Variants in CDK16 observed in about 807,000 individuals in gnomAD.
CDK16 encodes the protein cyclin-dependent kinase 16.
In CDK16, 2 loss-of-function variants were observed where a neutral mutation model predicts 41.6. The observed-to-expected ratio is 0.05, with a 90% CI of 0.02 to 0.15. The LOEUF is 0.15. CDK16 is among the 10% of genes least tolerant of loss of function. CDK16 has a pLI of 1.00. For synonymous variants in CDK16, 169 were observed against 169.7 expected (o/e 1.00, Z 0.03); for missense variants, 228 against 428.9 (o/e 0.53, Z 4.14).
chrX:47,227,176 G>A lies in CDK16; in HGVS notation c.1242-5G>A. 1.2e-5 allele frequency: 15 copies of A among 1,210,542 alleles called. No homozygotes were observed. Among genetic ancestry groups the A allele is most frequent in the Non-Finnish European group, 1.6e-5 (14 of 894,848 alleles). On this transcript the variant is annotated splice_region_variant and splice_polypyrimidine_tract_variant and intron_variant, in intron 12 of 15. Transcript: ENST00000357227. Reference sequence around the variant, plus strand: ...TTAAATCAGGTCTCTTTGTCCTTGTGGCAGACTTGATAGCGACGGGGCCGA... The same window carrying A: ...TTAAATCAGGTCTCTTTGTCCTTGTAGCAGACTTGATAGCGACGGGGCCGA...
chrX:47,218,663 AGGT>A, upstream of CDK16: 1 of 1,167,749 alleles, frequency 8.6e-7, no homozygotes, highest in Non-Finnish European at 1.1e-6. Context: ...ATGCAGTCCG[AGGT>A]GAGTCCCCTC....
rs190581652 is a variant in CDK16 at position 47,229,254 on chromosome X, T to G, written c.*486T>G. ...TTGTGTGGGCCTTTTTTTGTTTGTTTCATTCATTGTTTTTTTTTTTTTAAT... is the reference window on the plus strand; with the variant it reads ...TTGTGTGGGCCTTTTTTTGTTTGTTGCATTCATTGTTTTTTTTTTTTTAAT... On this transcript the variant is annotated 3_prime_UTR_variant, in exon 16 of 16. Coordinates refer to ENST00000357227, the MANE Select transcript of CDK16 (RefSeq NM_006201.5). 1,463 of 216,625 alleles carry G rather than the reference T, an allele frequency of 6.8e-3. 20 individuals are homozygous for G. Among genetic ancestry groups the G allele is most frequent in the African/African-American group, 0.04 (1,329 of 33,067 alleles). 17.9% of individuals were successfully genotyped at this position (216,625 alleles called of 1,213,427 possible).
chrX:47,218,673 C>T (rs992620091), upstream of CDK16: 2 of 1,167,986 alleles, frequency 1.7e-6, no homozygotes, highest in Admixed American at 5.2e-5. Context: ...AGGTGAGTCC[C>T]CTCCTTTCCA....
intron 1 of CDK16, among the ~76,000 whole-genome samples, chrX:47,220,915 A>T (rs1049814294): frequency 3.6e-5 from 4 of 111,032 alleles, no homozygotes; most frequent in African/African-American, 9.9e-5. Context: ...TACGTTAATG[A>T]GGGGAGTCAG....
Position 47,225,883 on chromosome X carries a change from G to A in CDK16, c.729+17G>A, listed in dbSNP as rs1229914567. On this transcript the variant is annotated intron_variant, in intron 7 of 15. Coordinates refer to ENST00000357227, the MANE Select transcript of CDK16 (RefSeq NM_006201.5). ...GAGTACCTGGTAAGGTTGAGTGGCA[G>A]TAGGTCCCAGGGGGAGGTGAGGAGA... 1 of 1,193,063 alleles carries A rather than the reference G, an allele frequency of 8.4e-7. No individual in the cohort carries two copies. The highest frequency in any genetic ancestry group is 3.0e-5 in the East Asian group (1 of 33,786).
In CDK16 at chrX:47,229,493, C is replaced by T. The variant is rs1008964684; in HGVS notation, c.*725C>T. On this transcript the variant is annotated 3_prime_UTR_variant, in exon 16 of 16. Transcript: ENST00000357227. The stretch of plus-strand genomic sequence containing the variant: ...GGGAAAGCATGCCACAGCCACTCGC[C>T]TTCCTACCCCCGCCCGCCATCCCCA... The T allele has an allele frequency of 7.3e-6, 2 of 275,565 alleles. No homozygotes were observed. Among genetic ancestry groups the T allele is most frequent in the Non-Finnish European group, 1.4e-5 (2 of 143,426 alleles). 22.7% of individuals were successfully genotyped at this position (275,565 alleles called of 1,213,427 possible). A position where few individuals can be genotyped will look rare whatever the true frequency, so the allele number is the denominator to read the frequency against.
At position 47,226,022 on chromosome X, in the gene CDK16, G is replaced by T; in HGVS notation, c.787G>T (p.Val263Leu). The T allele has an allele frequency of 8.4e-7, 1 of 1,196,152 alleles. No individual in the cohort carries two copies. Among genetic ancestry groups the T allele is most frequent in the South Asian group, 1.8e-5 (1 of 54,777 alleles). Residue 263 changes from valine to leucine, a missense_variant, in exon 8 of 16, where the codon GTG becomes TTG. By Grantham distance (32) the Val-to-Leu change is conservative (BLOSUM62 1). Coordinates refer to ENST00000357227, the MANE Select transcript of CDK16 (RefSeq NM_006201.5). ...DCGNIINMHN[V>L]KLFLFQLLRG... Reference sequence around the variant, plus strand: ...TGGGAACATCATCAACATGCACAACGTGAAAGTGGGTGTGGGGCAGGAAGC... The same window carrying T: ...TGGGAACATCATCAACATGCACAACTTGAAAGTGGGTGTGGGGCAGGAAGC...
upstream of CDK16, chrX:47,218,653 A>G (rs372931400): frequency 8.7e-5 from 102 of 1,165,870 alleles, no homozygotes; most frequent in South Asian, 1.9e-5. Context: ...CCTTTGGTAC[A>G]TGCAGTCCGA....
chrX:47,221,602 CCT>C (rs1436907110), intron 1 of CDK16, among the ~76,000 whole-genome samples: 1 of 111,568 alleles, frequency 9.0e-6, no homozygotes, highest in East Asian at 2.8e-4. Flanking sequence ...TCCCCTACTC[CCT>C]GTCACAACAT....
Position 47,223,574 on chromosome X carries a change from A to T in CDK16, c.17A>T (p.Lys6Met). ...CAGATCGCCATGGATCGGATGAAGA[A>T]GATCAAACGGCAGCTGTCAATGACA... MDRMKKIKRQLSMTLR... is the reference protein window; with the variant it reads MDRMKMIKRQLSMTLR... The change falls in exon 2 of 16, where the codon AAG becomes ATG. Residue 6 changes from lysine (K) to methionine (M), a missense_variant. Lys to Met is a moderately conservative substitution (Grantham distance 95). Transcript: ENST00000357227. 36 of 1,211,524 alleles carry T rather than the reference A, an allele frequency of 3.0e-5. No homozygotes were observed. The highest frequency in any genetic ancestry group is 3.8e-5 in the Non-Finnish European group (34 of 895,183).
At chrX:47,221,391 A>G (rs1243069465) in intron 1 of CDK16, among the ~76,000 whole-genome samples, 1 of 112,172 alleles carries the variant, frequency 8.9e-6, no homozygotes, top group Non-Finnish European at 1.9e-5. Flanking sequence ...TCACAGGGGC[A>G]TGTCTGAGAC....
chrX:47,221,694 T>G (rs932770733), intron 1 of CDK16, among the ~76,000 whole-genome samples: 1 of 112,066 alleles, frequency 8.9e-6, no homozygotes, highest in Admixed American at 9.4e-5. Context: ...TTCCTTGCCT[T>G]AGGCCCAGTA....
intron 9 of CDK16, 36 bp downstream of exon 9, chrX:47,226,438 G>T (rs772942501): frequency 8.3e-7 from 1 of 1,200,863 alleles, no homozygotes; most frequent in Non-Finnish European, 1.1e-6. Flanking sequence ...TGGCTCCCCA[G>T]CCTCCTACTT....
At chrX:47,223,841 C>T (rs1937455850) in intron 2 of CDK16, 82 bp downstream of exon 2, 6 of 921,491 alleles carry the variant, frequency 6.5e-6, no homozygotes, top group Non-Finnish European at 9.1e-6. Flanking sequence ...TCCTCATTTT[C>T]CTCTAAATTT....
rs186233558 is a variant in CDK16, at chrX:47,229,588, C to G, written c.*820C>G. 6 of 227,936 alleles carry G rather than the reference C, an allele frequency of 2.6e-5. No individual in the cohort carries two copies. In the East Asian group the frequency reaches 8.2e-4, roughly 31 times the overall value. 18.8% of individuals were successfully genotyped at this position (227,936 alleles called of 1,213,427 possible). On this transcript the variant is annotated 3_prime_UTR_variant, in exon 16 of 16. Transcript: ENST00000357227. ...CAAGGTGGGGGGCCCCACTCTTTCT[C>G]TCCTGCAGTCCCGTAGCTGGGGCCT...
At chrX:47,226,070 T>C in intron 8 of CDK16, 43 bp downstream of exon 8, 1 of 1,153,472 alleles carries the variant, frequency 8.7e-7, no homozygotes, top group Non-Finnish European at 1.2e-6. Context: ...GGGCCCCCAC[T>C]CACCCACTCC....
chrX:47,220,273 G>T (rs1937281146), intron 1 of CDK16, among the ~76,000 whole-genome samples: 1 of 107,064 alleles, frequency 9.3e-6, no homozygotes, highest in South Asian at 4.3e-4. Context: ...GTATGTTGAG[G>T]TTCCAGGGGG....
At chrX:47,224,771 C>T (rs1382062854) in intron 4 of CDK16, 28 bp downstream of exon 4, 1 of 1,209,561 alleles carries the variant, frequency 8.3e-7, no homozygotes, top group Non-Finnish European at 1.1e-6. Flanking sequence ...CCGTCCTCTC[C>T]TTTTTCTTCT....
In CDK16 at chrX:47,229,548, A is replaced by G. The variant is rs1424575487; in HGVS notation, c.*780A>G. On this transcript the variant is annotated 3_prime_UTR_variant, in exon 16 of 16. Transcript: ENST00000357227. ...CAGGGGGATCTGGGGACTACCAGAG[A>G]CTCTGGGAAATGGACAAGGTGGGGG... The G allele has an allele frequency of 4.8e-6, 1 of 210,209 alleles. No homozygotes were observed. The highest frequency in any genetic ancestry group is 8.9e-6 in the Non-Finnish European group (1 of 112,015). 17.3% of individuals were successfully genotyped at this position (210,209 alleles called of 1,213,427 possible). A position where few individuals can be genotyped will look rare whatever the true frequency, so the allele number is the denominator to read the frequency against.
Sources: allele counts gnomAD v4.1 joint callset (sites outside exome capture counted in the v4.1 genomes callset), GRCh38; gene constraint gnomAD v4.1.1; transcripts MANE v1.5; gene names NCBI Gene and HGNC (gene_info 2026-07-23, HGNC 2026-07-21).